EXOC6B: variants seen among roughly 807,000 people sequenced by gnomAD.
EXOC6B encodes the protein SEC15 homolog B.
In EXOC6B, 54 loss-of-function variants were observed where a neutral mutation model predicts 113.5. The observed-to-expected ratio is 0.48, with a 90% CI of 0.38 to 0.60. The LOEUF is 0.60. Among genes scored for constraint, EXOC6B ranks in the 20% least tolerant of loss-of-function variants. EXOC6B has a pLI of 0.00. For synonymous variants in EXOC6B, 357 were observed against 339.0 expected, an observed-to-expected ratio of 1.05 and a Z score of -0.58; for missense variants, 797 against 977.5, an observed-to-expected ratio of 0.82 and a Z score of 2.46.
intron 7 of EXOC6B, among the ~76,000 whole-genome samples, chr2:72,567,530 A>T (rs1573407850): frequency 6.6e-6 from 1 of 152,048 alleles, no homozygotes; most frequent in South Asian, 2.1e-4. Flanking sequence ...CTACACATTA[A>T]TGTAGCAGGT....
At chr2:72,450,304 G>A (rs192003072) in intron 18 of EXOC6B, among the ~76,000 whole-genome samples, 133 of 152,150 alleles carry the variant, frequency 8.7e-4, no homozygotes, top group Admixed American at 3.2e-3. Flanking sequence ...CCAGGTTTTC[G>A]GACTAAAAGC....
intron 20 of EXOC6B, among the ~76,000 whole-genome samples, chr2:72,191,441 T>C (rs1350009683): frequency 1.3e-5 from 2 of 152,188 alleles, no homozygotes; most frequent in East Asian, 1.9e-4. Flanking sequence ...AGTAGACAAG[T>C]GGTAGAGACA....
intron 20 of EXOC6B, among the ~76,000 whole-genome samples, chr2:72,276,720 A>G (rs1292053304): frequency 2.0e-5 from 3 of 152,208 alleles, no homozygotes; most frequent in Non-Finnish European, 4.4e-5. Flanking sequence ...AAATGACTCA[A>G]CTGCTCATAG....
chr2:72,825,990 C>A lies in EXOC6B; in HGVS notation c.-80G>T, dbSNP rs1686889372. 1.3e-6 allele frequency: 2 copies of A among 1,548,332 alleles called. No individual in the cohort carries two copies. The highest frequency in any genetic ancestry group is 2.7e-5 in the African/African-American group (2 of 73,634). ...CTGCCCCACAATGCCGCTCCCACCA[C>A]AGGCTCCACAGCCGCCCCAGCCTCT... On this transcript the variant is annotated 5_prime_UTR_variant, in exon 1 of 22. Transcript: ENST00000272427. The surrounding 1 kb of genome is among the most constrained non-coding windows in gnomAD (Gnocchi z 4.4).
intron 1 of EXOC6B, among the ~76,000 whole-genome samples, chr2:72,812,390 A>T (rs1403367499): frequency 6.6e-6 from 1 of 152,264 alleles, no homozygotes; most frequent in South Asian, 2.1e-4. Flanking sequence ...ATCTCAATAA[A>T]TGGAAATACA....
chr2:72,294,195 G>A (rs368090662), intron 20 of EXOC6B, among the ~76,000 whole-genome samples: 6 of 151,636 alleles, frequency 4.0e-5, no homozygotes, highest in South Asian at 2.1e-4. Flanking sequence ...ATAAGAATTC[G>A]GAGATAAAAA....
chr2:72,413,972 A>G (rs919539113), intron 18 of EXOC6B, among the ~76,000 whole-genome samples: 1 of 152,208 alleles, frequency 6.6e-6, no homozygotes, highest in African/African-American at 2.4e-5. Flanking sequence ...CAAATTCCCA[A>G]GTCTTTTTTA....
At position 72,545,572 on chromosome 2, in the gene EXOC6B, A is replaced by T. The variant is rs562357298; in HGVS notation, c.915+13881T>A. Among the ~76,000 whole-genome samples, 12 of 152,336 alleles carry T rather than the reference A, an allele frequency of 7.9e-5. 1 individual carries two copies. In the South Asian group the frequency reaches 2.5e-3, roughly 32 times the overall value. On this transcript the variant is annotated intron_variant, in intron 8 of 21. Transcript: ENST00000272427. ...CAAAAAGGAACTATTTCATAACACAATTCAGAGTGAGGTAGTCTCTACATA... is the reference window on the plus strand; with the variant it reads ...CAAAAAGGAACTATTTCATAACACATTTCAGAGTGAGGTAGTCTCTACATA...
chr2:72,317,158 T>G (rs1434715332), intron 20 of EXOC6B, among the ~76,000 whole-genome samples: 1 of 149,718 alleles, frequency 6.7e-6, no homozygotes, highest in Middle Eastern at 3.2e-3. Flanking sequence ...TGTGGTTTGT[T>G]TTTTTTTTTT....
At chr2:72,244,222 A>G (rs931665312) in intron 20 of EXOC6B, among the ~76,000 whole-genome samples, 4 of 152,218 alleles carry the variant, frequency 2.6e-5, no homozygotes, top group Admixed American at 2.6e-4. Flanking sequence ...GCCATAATGG[A>G]GCTAAATGAG....
chr2:72,590,908 T>C (rs1705906628), intron 6 of EXOC6B, among the ~76,000 whole-genome samples: 1 of 151,980 alleles, frequency 6.6e-6, no homozygotes, highest in Non-Finnish European at 1.5e-5. Flanking sequence ...TCCCAATTTC[T>C]TACAAAAATT....
chr2:72,253,566 C>A (rs998394716), intron 20 of EXOC6B, among the ~76,000 whole-genome samples: 3 of 152,148 alleles, frequency 2.0e-5, no homozygotes, highest in Non-Finnish European at 4.4e-5. Context: ...GAGCTGGAAG[C>A]CATTATCCTA....
At chr2:72,620,468 TAAG>T (rs1249479802) in intron 6 of EXOC6B, among the ~76,000 whole-genome samples, 2 of 147,450 alleles carry the variant, frequency 1.4e-5, no homozygotes, top group Non-Finnish European at 2.9e-5. Flanking sequence ...GAAATTTAAA[TAAG>T]AAATTTAAAT....
intron 6 of EXOC6B, among the ~76,000 whole-genome samples, chr2:72,591,782 A>G (rs1001057954): frequency 6.6e-6 from 1 of 152,160 alleles, no homozygotes; most frequent in Non-Finnish European, 1.5e-5. Context: ...TGTAAATCAG[A>G]GAGTCTGTAA....
At chr2:72,302,874 G>T (rs975234538) in intron 20 of EXOC6B, among the ~76,000 whole-genome samples, 1 of 151,992 alleles carries the variant, frequency 6.6e-6, no homozygotes, top group Non-Finnish European at 1.5e-5. Context: ...TTGTTAGCCG[G>T]TTGTTATGCC....
rs1357927233 is a variant in EXOC6B, at chr2:72,179,340, A to T, written c.2431T>A (p.Ser811Thr). The change falls in exon 22 of 22, where the codon TCA becomes ACA. Residue 811 changes from serine (S) to threonine (T), a missense_variant. Ser to Thr is a moderately conservative substitution (Grantham distance 58). Transcript: ENST00000272427. ...QLRGLISSHH[S>T] The stretch of plus-strand genomic sequence containing the variant: ...TGTGGGTCCGGGGTCACCCTTCATG[A>T]GTGGTGGCTGCTGATGAGTCCTCGG... The T allele has an allele frequency of 1.2e-6, 2 of 1,607,554 alleles. No individual in the cohort carries two copies. The highest frequency in any genetic ancestry group is 1.7e-6 in the Non-Finnish European group (2 of 1,176,642).
intron 6 of EXOC6B, among the ~76,000 whole-genome samples, chr2:72,664,869 TC>T (rs1193368132): frequency 6.6e-6 from 1 of 152,196 alleles, no homozygotes; most frequent in Non-Finnish European, 1.5e-5. Context: ...GCACTTTGGA[TC>T]CACTGATACA....
chr2:72,778,594 C>T (rs1683846691), intron 1 of EXOC6B, among the ~76,000 whole-genome samples: 1 of 152,072 alleles, frequency 6.6e-6, no homozygotes, highest in African/African-American at 2.4e-5. Context: ...GTGAGGAGGC[C>T]CTGGTTAATG....
chr2:72,636,381 C>G lies in EXOC6B; in HGVS notation c.670-60713G>C, dbSNP rs12996294. Among the ~76,000 whole-genome samples, 407 of 52,080 alleles carry G rather than the reference C, an allele frequency of 7.8e-3. 12 individuals carry two copies. Among genetic ancestry groups the G allele is most frequent in the Non-Finnish European group, 0.012 (283 of 23,912 alleles). The allele number at this position is 52,080 out of a possible 152,430, so 34.2% of individuals were successfully genotyped here. ...GGAAGGAAGGAAGGAAGCAAGGAAG[C>G]AAGGAAGGGAGGGAAGATGAAGAAG... On this transcript the variant is annotated intron_variant, in intron 6 of 21. Coordinates refer to ENST00000272427, the MANE Select transcript of EXOC6B (RefSeq NM_015189.3).
Sources: allele counts gnomAD v4.1 joint callset (sites outside exome capture counted in the v4.1 genomes callset), GRCh38; gene constraint gnomAD v4.1.1; non-coding constraint Gnocchi (gnomAD v3.1); transcripts MANE v1.5; gene names NCBI Gene and HGNC (gene_info 2026-07-23, HGNC 2026-07-21).